SH3GL3: variants seen among roughly 807,000 people sequenced by gnomAD.
SH3GL3 encodes the protein SH3 domain containing GRB2 like 3, endophilin A3, also known as endophilin-A3.
In SH3GL3, 33 loss-of-function variants were observed where a neutral mutation model predicts 47.7. The ratio of observed to expected loss-of-function variants is 0.69; its 90% CI spans 0.52 to 0.92. The LOEUF (loss-of-function observed/expected upper bound fraction) is 0.92. SH3GL3 is among the 40% of genes least tolerant of loss of function. SH3GL3 has a pLI of 0.00. For missense variants in SH3GL3, 363 were observed against 417.8 expected (o/e 0.87, Z 1.14); for synonymous variants, 155 against 148.8 (o/e 1.04, Z -0.30).
chr15:83,499,067 C>G (rs550409168), intron 1 of SH3GL3, among the ~76,000 whole-genome samples: 1 of 152,016 alleles, frequency 6.6e-6, no homozygotes, highest in South Asian at 2.1e-4. Flanking sequence ...AATTTTTACC[C>G]GTTTCCTTCC....
intron 8 of SH3GL3, among the ~76,000 whole-genome samples, chr15:83,607,571 G>C (rs1453499005): frequency 6.6e-6 from 1 of 152,186 alleles, no homozygotes; most frequent in Non-Finnish European, 1.5e-5. Flanking sequence ...TCTGAAGGGG[G>C]TGGCCGATAG....
intron 1 of SH3GL3, among the ~76,000 whole-genome samples, chr15:83,527,549 T>A (rs1225148653): frequency 6.6e-6 from 1 of 152,212 alleles, no homozygotes; most frequent in Non-Finnish European, 1.5e-5. Context: ...CACTTTTGGT[T>A]TCTGTTTGTG....
intron 7 of SH3GL3, among the ~76,000 whole-genome samples, chr15:83,588,350 C>T (rs889720965): frequency 4.6e-5 from 7 of 152,252 alleles, no homozygotes; most frequent in African/African-American, 1.4e-4. Context: ...AGGCTGATCT[C>T]GAACTCCTGA....
intron 8 of SH3GL3, among the ~76,000 whole-genome samples, chr15:83,610,396 G>T (rs1355916056): frequency 6.6e-6 from 1 of 152,142 alleles, no homozygotes; most frequent in East Asian, 1.9e-4. Flanking sequence ...AATTATCCGG[G>T]CATGATGGTG....
intron 1 of SH3GL3, among the ~76,000 whole-genome samples, chr15:83,555,970 C>T (rs1179993970): frequency 6.6e-6 from 1 of 152,126 alleles, no homozygotes; most frequent in Non-Finnish European, 1.5e-5. Context: ...TTTATCCTTG[C>T]TATGTATTCA....
At chr15:83,465,671 A>C (rs572824955) in intron 1 of SH3GL3, among the ~76,000 whole-genome samples, 1 of 152,206 alleles carries the variant, frequency 6.6e-6, no homozygotes, top group East Asian at 1.9e-4. Context: ...CTGGCTATTC[A>C]ATTCAAATAG....
intron 1 of SH3GL3, among the ~76,000 whole-genome samples, chr15:83,483,150 CTCTAGTGTG>C (rs2041443314): frequency 1.3e-5 from 2 of 152,320 alleles, no homozygotes; most frequent in South Asian, 4.2e-4. Flanking sequence ...AAGAAAGTGG[CTCTAGTGTG>C]TCTAGTTTCA....
At chr15:83,620,040 A>G (rs949367270), downstream of SH3GL3, among the ~76,000 whole-genome samples, 3 of 152,202 alleles carry the variant, frequency 2.0e-5, no homozygotes, top group African/African-American at 7.2e-5. Context: ...TCAAGAAATC[A>G]TTTTCTTTGT....
chr15:83,555,402 G>A (rs193296063), intron 1 of SH3GL3, among the ~76,000 whole-genome samples: 2 of 152,124 alleles, frequency 1.3e-5, no homozygotes, highest in East Asian at 1.9e-4. Flanking sequence ...CTTTCTTGGT[G>A]TTATATTTTA....
chr15:83,595,089 G>A (rs780111247), intron 8 of SH3GL3, among the ~76,000 whole-genome samples: 18 of 152,270 alleles, frequency 1.2e-4, no homozygotes, highest in South Asian at 6.2e-4. Flanking sequence ...TAGCAAAGGC[G>A]TGGAATCAAA....
intron 1 of SH3GL3, among the ~76,000 whole-genome samples, chr15:83,530,362 C>T (rs985790480): frequency 1.3e-5 from 2 of 152,132 alleles, no homozygotes; most frequent in Non-Finnish European, 2.9e-5. Flanking sequence ...GGATCTCTTA[C>T]CCTTTCCCTG....
intron 4 of SH3GL3, among the ~76,000 whole-genome samples, chr15:83,570,936 C>T (rs1356405524): frequency 1.3e-5 from 2 of 152,244 alleles, no homozygotes; most frequent in East Asian, 3.8e-4. Flanking sequence ...TCCTGCCGTG[C>T]ATCTGGCCTT....
chr15:83,505,126 T>A (rs1231953199), intron 1 of SH3GL3, among the ~76,000 whole-genome samples: 10 of 152,188 alleles, frequency 6.6e-5, no homozygotes, highest in Non-Finnish European at 1.2e-4. Flanking sequence ...TGTTCTCCTG[T>A]TCGTGGTCAT....
At chr15:83,516,502 G>C (rs917046807) in intron 1 of SH3GL3, among the ~76,000 whole-genome samples, 4 of 152,146 alleles carry the variant, frequency 2.6e-5, no homozygotes, top group African/African-American at 7.2e-5. Context: ...GGTTCTGCAG[G>C]CTGTACAGGA....
intron 1 of SH3GL3, among the ~76,000 whole-genome samples, chr15:83,542,833 GAATTT>G (rs2044228667): frequency 6.6e-6 from 1 of 152,002 alleles, no homozygotes; most frequent in African/African-American, 2.4e-5. Context: ...CAACTTTATT[GAATTT>G]GTTTATTGGT....
chr15:83,510,471 T>G (rs576570743), intron 1 of SH3GL3, among the ~76,000 whole-genome samples: 1 of 152,350 alleles, frequency 6.6e-6, no homozygotes, highest in South Asian at 2.1e-4. Flanking sequence ...GTTTGTTTAT[T>G]ATGTAAAGAC....
chr15:83,606,779 G>A (rs2060526003), intron 8 of SH3GL3, among the ~76,000 whole-genome samples: 1 of 152,236 alleles, frequency 6.6e-6, no homozygotes, highest in Admixed American at 6.5e-5. Context: ...CCTAGAGGAA[G>A]TGATTGGACT....
chr15:83,559,782 A>T (rs919413838), intron 2 of SH3GL3, among the ~76,000 whole-genome samples: 1 of 152,206 alleles, frequency 6.6e-6, no homozygotes, highest in African/African-American at 2.4e-5. Context: ...CTGCCTGTAG[A>T]ACCAGAGTGT....
At chr15:83,529,325 C>T (rs1264239508) in intron 1 of SH3GL3, among the ~76,000 whole-genome samples, 1 of 152,122 alleles carries the variant, frequency 6.6e-6, no homozygotes, top group Non-Finnish European at 1.5e-5. Context: ...GCAGTGGCAG[C>T]AGTGGGCTGG....
Sources: gnomAD v4.1 joint callset for allele counts (sites outside exome capture counted in the v4.1 genomes callset) on GRCh38, gnomAD v4.1.1 for gene constraint, MANE v1.5 for transcripts, NCBI Gene and HGNC (gene_info 2026-07-23, HGNC 2026-07-21) for gene names.